CCDC73: variants seen among roughly 807,000 people sequenced by gnomAD.
CCDC73 encodes the protein coiled-coil domain-containing protein 73.
Under a neutral mutation model 116.5 loss-of-function variants are expected in CCDC73, and 95 were observed. The observed-to-expected ratio is 0.82, with a 90% CI of 0.69 to 0.97. The LOEUF is 0.97. CCDC73 is among the 50% of genes least tolerant of loss of function. The pLI is 0.00. For missense variants in CCDC73, 1,066 were observed against 1,206.8 expected, an observed-to-expected ratio of 0.88 and a Z score of 1.73; for synonymous variants, 398 against 401.3, an observed-to-expected ratio of 0.99 and a Z score of 0.10.
chr11:32,603,084 A>C, intron 17 of CCDC73, 64 bp from the exon 18 acceptor site: 6 of 1,318,838 alleles, frequency 4.5e-6, no homozygotes, highest in Admixed American at 4.4e-5. Flanking sequence ...AGAGTCTGTA[A>C]AGCCTCTGCA....
chr11:32,720,796 G>A (rs564167534), intron 2 of CCDC73, among the ~76,000 whole-genome samples: 34 of 152,244 alleles, frequency 2.2e-4, no homozygotes, highest in Admixed American at 8.5e-4. Flanking sequence ...ATTATCTCTT[G>A]GAGTGGGCAT....
At chr11:32,816,906 C>T in the CCDC73 span, among the ~76,000 whole-genome samples, 1 of 152,152 alleles carries the variant, frequency 6.6e-6, no homozygotes, top group East Asian at 1.9e-4. Flanking sequence ...ACCTTAGCCT[C>T]CAGAGTAACT....
At chr11:32,797,583 A>G (rs958508945), upstream of CCDC73, among the ~76,000 whole-genome samples, 1 of 152,154 alleles carries the variant, frequency 6.6e-6, no homozygotes, top group Non-Finnish European at 1.5e-5. Context: ...ACTCGACTCT[A>G]CATATCTTTA....
At chr11:32,751,981 T>C (rs1850290868) in intron 2 of CCDC73, among the ~76,000 whole-genome samples, 1 of 152,192 alleles carries the variant, frequency 6.6e-6, no homozygotes, top group Admixed American at 6.5e-5. Context: ...TGCAGAAGCA[T>C]TTATATGGTA....
intron 2 of CCDC73, among the ~76,000 whole-genome samples, chr11:32,756,652 TGGTC>T (rs1216962317): frequency 6.6e-6 from 1 of 151,798 alleles, no homozygotes; most frequent in Non-Finnish European, 1.5e-5. Context: ...TATCTGTAGT[TGGTC>T]AGTATCTTTA....
rs201273951 is a variant in CCDC73, at chr11:32,693,769, T to A, written c.390+5482A>T. 2.0e-5 allele frequency among the ~76,000 whole-genome samples: 3 copies of A among 152,152 alleles called. No homozygotes were observed. The East Asian group carries it at 5.8e-4, about 29-fold the overall frequency. ...GCAAGGCTGGTTCAACATATGCAAA[T>A]CAATAAACGTAATCCATCACATAAA... On this transcript the variant is annotated intron_variant, in intron 6 of 17. Transcript: ENST00000335185.
chr11:32,739,817 G>C (rs1167790708), intron 2 of CCDC73, among the ~76,000 whole-genome samples: 1 of 151,908 alleles, frequency 6.6e-6, no homozygotes, highest in Non-Finnish European at 1.5e-5. Flanking sequence ...ACTAGCTCTT[G>C]GTCTATCATA....
At chr11:32,790,302 C>G (rs1850663742) in intron 1 of CCDC73, among the ~76,000 whole-genome samples, 2 of 152,204 alleles carry the variant, frequency 1.3e-5, no homozygotes, top group South Asian at 4.1e-4. Flanking sequence ...AAATCCCATT[C>G]ACACCAATTT....
chr11:32,634,446 T>C (rs564543114), intron 14 of CCDC73, among the ~76,000 whole-genome samples: 1 of 152,194 alleles, frequency 6.6e-6, no homozygotes, highest in Non-Finnish European at 1.5e-5. Context: ...CAAAATTTAA[T>C]GTCCTTTCAT....
At chr11:32,652,638 C>A (rs1240985881) in intron 12 of CCDC73, among the ~76,000 whole-genome samples, 1 of 152,172 alleles carries the variant, frequency 6.6e-6, no homozygotes, top group African/African-American at 2.4e-5. Flanking sequence ...ATGTCTTCTC[C>A]TTCCCAGTCA....
At chr11:32,721,670 T>C (rs1019934470) in intron 2 of CCDC73, among the ~76,000 whole-genome samples, 1 of 151,576 alleles carries the variant, frequency 6.6e-6, no homozygotes, top group African/African-American at 2.4e-5. Context: ...CTCAGTTCAC[T>C]GCAAGCTCTG....
intron 1 of CCDC73, among the ~76,000 whole-genome samples, chr11:32,770,721 A>T (rs779855646): frequency 3.9e-5 from 6 of 152,200 alleles, no homozygotes; most frequent in Non-Finnish European, 8.8e-5. Flanking sequence ...GACTAAGGTG[A>T]CTTCTAGGCA....
intron 14 of CCDC73, among the ~76,000 whole-genome samples, chr11:32,622,662 T>G (rs762461615): frequency 5.4e-5 from 5 of 92,898 alleles, no homozygotes; most frequent in Non-Finnish European, 8.3e-5. Flanking sequence ...TCATGGAACT[T>G]AAATAAAATT....
intron 9 of CCDC73, among the ~76,000 whole-genome samples, chr11:32,670,547 A>T (rs1356791236): frequency 6.6e-6 from 1 of 151,862 alleles, no homozygotes; most frequent in Non-Finnish European, 1.5e-5. Context: ...AATTATTGAT[A>T]GCTTGTTTTA....
chr11:32,659,170 C>T (rs1855899734), intron 9 of CCDC73, among the ~76,000 whole-genome samples: 1 of 152,118 alleles, frequency 6.6e-6, no homozygotes. Context: ...AGTCATGATT[C>T]ACCTTCACAG....
chr11:32,792,927 C>T (rs10767966), intron 1 of CCDC73, among the ~76,000 whole-genome samples: 112,280 of 152,050 alleles, frequency 0.74, 41,555 homozygotes, highest in East Asian at 0.94. Flanking sequence ...AATGAGATAA[C>T]TTCCAGCCCC....
At chr11:32,713,548 T>A (rs1369884855) in intron 3 of CCDC73, among the ~76,000 whole-genome samples, 1 of 152,016 alleles carries the variant, frequency 6.6e-6, no homozygotes, top group African/African-American at 2.4e-5. Context: ...CCGGCCCCCA[T>A]GATATCCAAA....
chr11:32,741,393 T>A (rs1030566060), intron 2 of CCDC73, among the ~76,000 whole-genome samples: 2 of 152,170 alleles, frequency 1.3e-5, no homozygotes, highest in African/African-American at 4.8e-5. Context: ...ATATCCTCTT[T>A]CTGACTTGAC....
intron 6 of CCDC73, among the ~76,000 whole-genome samples, chr11:32,684,663 C>A (rs1856177679): frequency 6.6e-6 from 1 of 152,042 alleles, no homozygotes; most frequent in Admixed American, 6.6e-5. Flanking sequence ...TTCCAAGAAG[C>A]AGAATTTCTA....
Sources: gnomAD v4.1 joint callset for allele counts (sites outside exome capture counted in the v4.1 genomes callset) on GRCh38, gnomAD v4.1.1 for gene constraint, MANE v1.5 for transcripts, NCBI Gene and HGNC (gene_info 2026-07-23, HGNC 2026-07-21) for gene names.